The following OPRM1 variants were observed in gnomAD, a reference collection of about 807,000 sequenced individuals.
OPRM1 encodes mu-type opioid receptor.
A neutral mutation model predicts 31.8 loss-of-function variants in OPRM1; 27 were observed. The observed-to-expected ratio is 0.85, with a 90% CI of 0.63 to 1.17. The LOEUF is 1.17. OPRM1 is among the 50% of genes most tolerant of loss of function. The pLI, the probability that OPRM1 is intolerant of heterozygous loss-of-function variation, is 0.00. For missense variants in OPRM1, 536 were observed against 511.1 expected, an observed-to-expected ratio of 1.05 and a Z score of -0.47; for synonymous variants, 196 against 189.9, an observed-to-expected ratio of 1.03 and a Z score of -0.26.
rs556716 is a variant in OPRM1, at chr6:154,128,285, A to G, written c.*9564A>G. ...CCCACTTATTAAAAGAATAAAATGAAGGTGGAGTTAATTCTGACTACGGGA... is the reference window on the plus strand; with the variant it reads ...CCCACTTATTAAAAGAATAAAATGAGGGTGGAGTTAATTCTGACTACGGGA... On this transcript the variant is annotated 3_prime_UTR_variant, in exon 4 of 4. Transcript: ENST00000330432. Among the ~76,000 whole-genome samples, 138,213 of 152,308 alleles carry G rather than the reference A, an allele frequency of 0.91. 62,768 individuals carry two copies. The highest frequency in any genetic ancestry group is 0.98 in the East Asian group (5,109 of 5,196).
At chr6:154,029,182 C>T (rs754676516) in intron 1 of OPRM1, among the ~76,000 whole-genome samples, 2 of 152,122 alleles carry the variant, frequency 1.3e-5, no homozygotes, top group Non-Finnish European at 2.9e-5. Context: ...CGCCTTTAAA[C>T]TCTGATCTGC....
intron 3 of OPRM1, among the ~76,000 whole-genome samples, chr6:154,150,675 T>G (rs1562509568): frequency 6.6e-6 from 1 of 152,338 alleles, no homozygotes; most frequent in East Asian, 1.9e-4. Context: ...CTCAAGCTTC[T>G]TTACCCGCAC....
intron 1 of OPRM1, among the ~76,000 whole-genome samples, chr6:154,026,688 C>T (rs1319353041): frequency 1.3e-5 from 2 of 152,128 alleles, no homozygotes; most frequent in Admixed American, 1.3e-4. Context: ...AGCCTGTCTT[C>T]AAGCTCACTA....
chr6:154,031,670 G>A (rs1162837324), intron 1 of OPRM1, among the ~76,000 whole-genome samples: 2 of 152,170 alleles, frequency 1.3e-5, no homozygotes, highest in African/African-American at 4.8e-5. Flanking sequence ...GAACTTGGGA[G>A]GCGGAGATTG....
intron 1 of OPRM1, among the ~76,000 whole-genome samples, chr6:154,079,441 A>C (rs545552319): frequency 6.6e-6 from 1 of 152,280 alleles, no homozygotes; most frequent in African/African-American, 2.4e-5. Context: ...CAGAGACCAG[A>C]GAGATAATCA....
At chr6:154,208,430 A>G (rs1260331487) in intron 3 of OPRM1, among the ~76,000 whole-genome samples, 1 of 152,002 alleles carries the variant, frequency 6.6e-6, no homozygotes, top group Non-Finnish European at 1.5e-5. Context: ...CCACAACCCA[A>G]TCTCTACCCC....
rs1033943267 is a variant in OPRM1, at chr6:154,118,364, TA to T, written c.1165-312del. Among the ~76,000 whole-genome samples the T allele has an allele frequency of 1.1e-3, 161 of 151,912 alleles. 1 individual carries two copies. The highest frequency in any genetic ancestry group is 3.2e-3 in the African/African-American group (131 of 41,450). On this transcript the variant is annotated intron_variant, in intron 3 of 3. Coordinates refer to ENST00000330432, the MANE Select transcript of OPRM1 (RefSeq NM_000914.5). ...TGAGGCTAAAGAGGGAGGAAGAGGG[TA>T]AAAAAAGGGGGAGAAAGAGTTTCAA...
chr6:154,246,714 G>C, exon 4 of OPRM1: 2 of 1,613,948 alleles, frequency 1.2e-6, no homozygotes, highest in Non-Finnish European at 1.7e-6. Flanking sequence ...AGTCAGCATG[G>C]CCCAGATCTT....
intron 3 of OPRM1, among the ~76,000 whole-genome samples, chr6:154,179,120 A>G (rs1489894624): frequency 1.3e-5 from 2 of 152,172 alleles, no homozygotes; most frequent in Non-Finnish European, 2.9e-5. Context: ...CCATAAAATG[A>G]ACATCCAGTG....
In OPRM1 at chr6:154,231,970, T is replaced by C. The variant is rs117944458; in HGVS notation, c.1165-14723T>C. ...CTGAAAGACTTAAGAACTTTGACTATACGTATTTCATGGCAAATAGGCTAA... is the reference window on the plus strand; with the variant it reads ...CTGAAAGACTTAAGAACTTTGACTACACGTATTTCATGGCAAATAGGCTAA... On this transcript the variant is annotated intron_variant, in intron 3 of 3. Transcript: ENST00000337049. 2.0e-3 allele frequency among the ~76,000 whole-genome samples: 299 copies of C among 152,362 alleles called. 1 individual carries two copies. Among genetic ancestry groups the C allele is most frequent in the Non-Finnish European group, 3.7e-3 (250 of 68,042 alleles).
At chr6:154,163,037 C>T (rs918980436) in intron 3 of OPRM1, among the ~76,000 whole-genome samples, 4 of 152,200 alleles carry the variant, frequency 2.6e-5, no homozygotes, top group Non-Finnish European at 5.9e-5. Context: ...CTCCTTCTAC[C>T]ACACCCAATC....
At chr6:154,181,955 G>A (rs890015440) in intron 3 of OPRM1, among the ~76,000 whole-genome samples, 2 of 152,170 alleles carry the variant, frequency 1.3e-5, no homozygotes, top group African/African-American at 4.8e-5. Flanking sequence ...CAAGTTGGGA[G>A]AACACTCTAG....
chr6:154,062,425 A>G (rs938681447), intron 1 of OPRM1, among the ~76,000 whole-genome samples: 1 of 152,144 alleles, frequency 6.6e-6, no homozygotes, highest in Non-Finnish European at 1.5e-5. Context: ...CTATAAGACT[A>G]AAATTTCAGG....
chr6:154,012,715 G>A (rs984957293), intron 1 of OPRM1, among the ~76,000 whole-genome samples: 1 of 152,078 alleles, frequency 6.6e-6, no homozygotes, highest in African/African-American at 2.4e-5. Flanking sequence ...ATCAGTTTGG[G>A]CTGCTATAAT....
chr6:154,139,962 A>G (rs929656512), intron 3 of OPRM1, among the ~76,000 whole-genome samples: 2 of 152,158 alleles, frequency 1.3e-5, no homozygotes, highest in Admixed American at 6.5e-5. Context: ...GAAAAATCAC[A>G]CTTGAATCAG....
At chr6:154,221,645 G>A (rs1368961027) in intron 3 of OPRM1, among the ~76,000 whole-genome samples, 1 of 151,052 alleles carries the variant, frequency 6.6e-6, no homozygotes, top group Non-Finnish European at 1.5e-5. Context: ...AGGCCGAGGC[G>A]GGCAGATCAC....
chr6:154,118,923 G>T lies in OPRM1; in HGVS notation c.*202G>T, dbSNP rs991201929. On this transcript the variant is annotated 3_prime_UTR_variant, in exon 4 of 4. Transcript: ENST00000330432. ...AGTAAGTGGAGCATTTGGAAGGAAA[G>T]GAATATACCACACCGAGGAGTCCAG... 7.3e-7 allele frequency: 1 copy of T among 1,377,520 alleles called. No individual in the cohort carries two copies. The highest frequency in any genetic ancestry group is 3.3e-5 in the Admixed American group (1 of 30,252). The allele number at this position is 1,377,520 out of a possible 1,614,324, so 85.3% of individuals were successfully genotyped here. A position where few individuals can be genotyped will look rare whatever the true frequency, so the allele number is the denominator to read the frequency against.
Position 154,091,373 on chromosome 6 carries a change from A to G in OPRM1, c.1065A>G (p.Pro355=), listed in dbSNP as rs1224678374. The G allele has an allele frequency of 6.2e-7, 1 of 1,614,188 alleles. No homozygotes were observed. The highest frequency in any genetic ancestry group is 1.1e-5 in the South Asian group (1 of 91,084). ...FKRCFREFCI[P]TSSNIEQQNS... ...GATGCTTCAGAGAGTTCTGTATCCC[A>G]ACCTCTTCCAACATTGAGCAACAAA... The change falls in exon 3 of 4, where the codon CCA becomes CCG. Residue 355 remains proline (P), a synonymous_variant. Transcript: ENST00000330432.
chr6:154,180,449 T>G (rs1172627157), intron 3 of OPRM1, among the ~76,000 whole-genome samples: 2 of 149,824 alleles, frequency 1.3e-5, no homozygotes, highest in Non-Finnish European at 3.0e-5. Flanking sequence ...TTGGTGACAT[T>G]AGCAAATGAG....
Sources: gnomAD v4.1 joint callset for allele counts (sites outside exome capture counted in the v4.1 genomes callset) on GRCh38, gnomAD v4.1.1 for gene constraint, MANE v1.5 for transcripts, NCBI Gene and HGNC (gene_info 2026-07-23, HGNC 2026-07-21) for gene names.